The following RUNX1T1 variants were observed in gnomAD, a reference collection of about 807,000 sequenced individuals.
RUNX1T1 encodes RUNX1 partner transcriptional co-repressor 1.
Under a neutral mutation model 62.8 loss-of-function variants are expected in RUNX1T1, and 4 were observed. The ratio of observed to expected loss-of-function variants is 0.06; its 90% confidence interval spans 0.03 to 0.15. The LOEUF (loss-of-function observed/expected upper bound fraction) is 0.15. Ranked by LOEUF, RUNX1T1 falls within the 10% of genes least tolerant of loss-of-function variation. The pLI, the probability that RUNX1T1 is intolerant of heterozygous loss-of-function variation, is 1.00. For missense variants in RUNX1T1, 508 were observed against 754.3 expected, an observed-to-expected ratio of 0.67 and a Z score of 3.82; for synonymous variants, 291 against 286.0, an observed-to-expected ratio of 1.02 and a Z score of -0.18.
chr8:92,095,193 A>G, intron 1 of RUNX1T1: 2 of 1,535,100 alleles, frequency 1.3e-6, no homozygotes, highest in Non-Finnish European at 8.7e-7. Context: ...GACAGATAAC[A>G]TGTTACATCT....
At chr8:92,078,122 A>T (rs973790747) in intron 1 of RUNX1T1, among the ~76,000 whole-genome samples, 2 of 152,060 alleles carry the variant, frequency 1.3e-5, no homozygotes. Flanking sequence ...ATACAATGTA[A>T]ATCTAAAGTC....
chr8:92,037,757 A>C (rs1408535825), intron 1 of RUNX1T1, among the ~76,000 whole-genome samples: 1 of 152,138 alleles, frequency 6.6e-6, no homozygotes, highest in Non-Finnish European at 1.5e-5. Flanking sequence ...TCTTCTATGG[A>C]GCTTTCAGGA....
chr8:92,083,384 G>A (rs1835583882), intron 1 of RUNX1T1, among the ~76,000 whole-genome samples: 1 of 151,948 alleles, frequency 6.6e-6, no homozygotes, highest in Non-Finnish European at 1.5e-5. Flanking sequence ...AATCTACAAG[G>A]AACTTAAACA....
upstream of RUNX1T1, among the ~76,000 whole-genome samples, chr8:92,100,140 T>C (rs1837969226): frequency 6.6e-6 from 1 of 152,200 alleles, no homozygotes; most frequent in South Asian, 2.1e-4. Flanking sequence ...GCACATAGAA[T>C]GATTTTTATT....
chr8:91,968,109 C>T (rs1312363719), intron 10 of RUNX1T1, among the ~76,000 whole-genome samples: 1 of 152,140 alleles, frequency 6.6e-6, no homozygotes, highest in African/African-American at 2.4e-5. Flanking sequence ...GAGACAGTAA[C>T]TGAGCTGGGG....
At chr8:92,061,936 T>C (rs183831855) in intron 1 of RUNX1T1, among the ~76,000 whole-genome samples, 4 of 152,274 alleles carry the variant, frequency 2.6e-5, no homozygotes, top group Non-Finnish European at 5.9e-5. Context: ...AAATAATATT[T>C]TTCAGAGGAA....
At chr8:91,956,029 G>A, downstream of RUNX1T1, 1 of 230,550 alleles carries the variant, frequency 4.3e-6, no homozygotes, top group East Asian at 6.2e-5. Flanking sequence ...GCAGTTCCAT[G>A]TCATGTCAGC....
At position 92,051,572 on chromosome 8, in the gene RUNX1T1, A is replaced by ACC. The variant is rs1488006087; in HGVS notation, c.7+10973_7+10974insGG. 6.7e-3 allele frequency among the ~76,000 whole-genome samples: 1,004 copies of ACC among 150,766 alleles called. 10 individuals carry two copies. The highest frequency in any genetic ancestry group is 0.048 in the Middle Eastern group (14 of 292). On this transcript the variant is annotated intron_variant, in intron 1 of 10. Coordinates refer to ENST00000396218, the Ensembl canonical transcript of RUNX1T1. Reference sequence around the variant, plus strand: ...CACATGCTCTCTCTCTCTCACATACACACACTCTCTCTCTCACACACACAC... The same window carrying ACC: ...CACATGCTCTCTCTCTCTCACATACACCCACACTCTCTCTCTCACACACACAC...
At chr8:91,958,584 T>TA (rs1300183335), downstream of RUNX1T1, 3 of 184,166 alleles carry the variant, frequency 1.6e-5, no homozygotes, top group African/African-American at 7.1e-5. Flanking sequence ...CCTTTTTTTT[T>TA]AAAGTAGGAT....
At chr8:92,062,590 C>A (rs370743924) in exon 1 of RUNX1T1, 36 of 1,613,934 alleles carry the variant, frequency 2.2e-5, no homozygotes, top group Non-Finnish European at 2.8e-5. Context: ...GTGGCTGTCT[C>A]CTAAAAGCAA....
At chr8:92,001,517 C>T (rs916965574) in intron 5 of RUNX1T1, among the ~76,000 whole-genome samples, 1 of 152,126 alleles carries the variant, frequency 6.6e-6, no homozygotes, top group African/African-American at 2.4e-5. Context: ...AACTACATGG[C>T]CTTTGCATTG....
chr8:92,082,121 G>A (rs1281524344), intron 1 of RUNX1T1, among the ~76,000 whole-genome samples: 1 of 152,072 alleles, frequency 6.6e-6, no homozygotes, highest in Non-Finnish European at 1.5e-5. Flanking sequence ...TCCTGACCTC[G>A]TGATCCGCCC....
chr8:91,991,796 T>G (rs752131229), exon 6 of RUNX1T1: 3 of 1,614,154 alleles, frequency 1.9e-6, no homozygotes, highest in Non-Finnish European at 2.5e-6. Context: ...AGCCGTTATT[T>G]GGACTGTACC....
intron 1 of RUNX1T1, among the ~76,000 whole-genome samples, chr8:92,031,889 C>T (rs556498567): frequency 1.3e-5 from 2 of 151,654 alleles, no homozygotes; most frequent in East Asian, 3.9e-4. Context: ...CCCGGGAGTT[C>T]GAGAACAGCC....
At chr8:92,070,374 T>C (rs958761151) in intron 2 of RUNX1T1, among the ~76,000 whole-genome samples, 3 of 152,190 alleles carry the variant, frequency 2.0e-5, no homozygotes, top group African/African-American at 7.2e-5. Flanking sequence ...TTTTCATATT[T>C]ATACTGATGT....
chr8:91,970,064 T>G (rs1298307488), intron 10 of RUNX1T1, among the ~76,000 whole-genome samples: 2 of 139,868 alleles, frequency 1.4e-5, no homozygotes, highest in African/African-American at 6.6e-5. Flanking sequence ...TGTGTGAGAA[T>G]TATTATACTG....
chr8:92,089,641 A>G (rs1458623126), intron 1 of RUNX1T1, among the ~76,000 whole-genome samples: 1 of 152,084 alleles, frequency 6.6e-6, no homozygotes, highest in Non-Finnish European at 1.5e-5. Flanking sequence ...ATGAGGCGAA[A>G]GCATAAAGGC....
At chr8:91,997,881 G>A (rs1033231068) in intron 5 of RUNX1T1, among the ~76,000 whole-genome samples, 34 of 152,152 alleles carry the variant, frequency 2.2e-4, no homozygotes, top group Non-Finnish European at 4.9e-4. Context: ...TTAAGACCAG[G>A]CATTGAAGAC....
chr8:92,060,543 A>ATGTGTGTG (rs1483893086), intron 1 of RUNX1T1, among the ~76,000 whole-genome samples: 2 of 105,594 alleles, frequency 1.9e-5, no homozygotes, highest in African/African-American at 7.1e-5. Flanking sequence ...ATATATATAT[A>ATGTGTGTG]TATATATATA....
Sources: allele counts gnomAD v4.1 joint callset (sites outside exome capture counted in the v4.1 genomes callset), GRCh38; gene constraint gnomAD v4.1.1; transcripts MANE v1.5; gene names NCBI Gene and HGNC (gene_info 2026-07-23, HGNC 2026-07-21).